Variants in FAM83D observed in about 807,000 individuals in gnomAD.
FAM83D encodes scaffolding CK1 anchoring protein D.
FAM83D carries 26 observed loss-of-function variants against 25.4 expected under a neutral mutation model. The observed-to-expected ratio is 1.02, with a 90% CI of 0.75 to 1.42. FAM83D has a LOEUF of 1.42. FAM83D is among the 40% of genes most tolerant of loss of function. The pLI is 0.00. For synonymous variants in FAM83D, 310 were observed against 318.5 expected (o/e 0.97, Z 0.28); for missense variants, 740 against 758.1 (o/e 0.98, Z 0.28).
intron 1 of FAM83D, among the ~76,000 whole-genome samples, chr20:38,932,359 T>C (rs1365164251): frequency 2.0e-5 from 3 of 152,190 alleles, no homozygotes; most frequent in Non-Finnish European, 4.4e-5. Context: ...GCACTCCAGC[T>C]TGGGTGACAG....
At chr20:38,950,215 C>T (rs1049164742) in intron 3 of FAM83D, among the ~76,000 whole-genome samples, 5 of 152,200 alleles carry the variant, frequency 3.3e-5, no homozygotes, top group African/African-American at 1.2e-4. Flanking sequence ...TGTCAGAATC[C>T]ATTTGATAAA....
At chr20:38,945,706 C>T (rs1013348766) in intron 2 of FAM83D, among the ~76,000 whole-genome samples, 14 of 150,756 alleles carry the variant, frequency 9.3e-5, no homozygotes, top group Middle Eastern at 7.0e-3. Context: ...CTCCATCTTT[C>T]TTTGTCTTTT....
chr20:38,936,188 G>A (rs117295128), intron 1 of FAM83D, among the ~76,000 whole-genome samples: 29 of 152,290 alleles, frequency 1.9e-4, no homozygotes, highest in Admixed American at 1.0e-3. Flanking sequence ...AGGGGTGATC[G>A]GTACGAACTT....
chr20:38,926,865 C>T lies in FAM83D; in HGVS notation c.423C>T (p.Gly141=). 1 of 1,515,472 alleles carries T rather than the reference C, an allele frequency of 6.6e-7. No homozygotes were observed. Among genetic ancestry groups the T allele is most frequent in the Non-Finnish European group, 8.8e-7 (1 of 1,137,028 alleles). 93.9% of individuals were successfully genotyped at this position (1,515,472 alleles called of 1,614,324 possible). A position where few individuals can be genotyped will look rare whatever the true frequency, so the allele number is the denominator to read the frequency against. ...VETHFQPRGA[G]EGGPYGCKDA... is the part of the protein sequence containing the mutation. ...CGCACTTCCAGCCCCGCGGCGCTGG[C>T]GAAGGTGGCCCCTACGGCTGCAAGG... The change falls in exon 1 of 4, where the codon GGC becomes GGT. Residue 141 remains glycine (G), a synonymous_variant. Transcript: ENST00000619850.
At position 38,951,753 on chromosome 20, in the gene FAM83D, C is replaced by T. The variant is rs541787327; in HGVS notation, c.991C>T (p.Arg331Trp). 42 of 1,614,166 alleles carry T rather than the reference C, an allele frequency of 2.6e-5. No individual in the cohort carries two copies. The African/African-American group carries it at 3.5e-4, about 13-fold the overall frequency. Residue 331 changes from arginine (R) to tryptophan (W), a missense_variant, in exon 4 of 4, where the codon CGG becomes TGG. Coordinates refer to ENST00000619850, the MANE Select transcript of FAM83D (RefSeq NM_030919.3). Reference sequence around the variant, plus strand: ...GGAGCTCACCCTGGGCAACCTGCTGCGGATGCGGCTGGCTAGGCTGTCAAG... The same window carrying T: ...GGAGCTCACCCTGGGCAACCTGCTGTGGATGCGGCTGGCTAGGCTGTCAAG... ...SKELTLGNLL[R>W]MRLARLSSTP...
intron 3 of FAM83D, 79 bp from the exon 4 acceptor site, chr20:38,951,460 A>G: frequency 6.7e-7 from 1 of 1,487,400 alleles, no homozygotes; most frequent in South Asian, 1.3e-5. Flanking sequence ...TACCTGTACT[A>G]TATTATTCAG....
intron 1 of FAM83D, among the ~76,000 whole-genome samples, chr20:38,929,322 A>G (rs907498309): frequency 1.3e-5 from 2 of 152,124 alleles, no homozygotes; most frequent in Admixed American, 6.6e-5. Context: ...CCAACACTTG[A>G]GAGTGGACAG....
chr20:38,952,214 A>G lies in FAM83D; in HGVS notation c.1452A>G (p.Gln484=), dbSNP rs759772488. The G allele has an allele frequency of 6.8e-6, 11 of 1,614,028 alleles. No homozygotes were observed. The South Asian group carries it at 8.8e-5, about 13-fold the overall frequency. The change falls in exon 4 of 4, where the codon CAA becomes CAG. Residue 484 remains glutamine (Q), a synonymous_variant. Coordinates refer to ENST00000619850, the MANE Select transcript of FAM83D (RefSeq NM_030919.3). ...AGTCTTCCTCCTCTGTGTCTTCCCA[A>G]GGCTCTGTGGCAAGCTCCACTGGTT... ...SLKSSSSVSS[Q]GSVASSTGSP... is the part of the protein sequence containing the mutation.
chr20:38,939,136 C>T (rs768632154), intron 1 of FAM83D, among the ~76,000 whole-genome samples: 18 of 152,172 alleles, frequency 1.2e-4, no homozygotes, highest in Non-Finnish European at 2.6e-4. Context: ...CCCCGTCATG[C>T]CCTACCTCTT....
At position 38,942,027 on chromosome 20, in the gene FAM83D, G is replaced by A. The variant is rs1035834523; in HGVS notation, c.552G>A (p.Arg184=). 6.4e-5 allele frequency: 104 copies of A among 1,614,236 alleles called. No individual in the cohort carries two copies. The East Asian group carries it at 2.2e-3, about 35-fold the overall frequency. ...DIFRDLQEIC[R]KQGVAVYILL... Reference sequence around the variant, plus strand: ...TCAGAGACCTGCAAGAAATATGCAGGAAACAGGGAGTTGCTGTGTATATCC... The same window carrying A: ...TCAGAGACCTGCAAGAAATATGCAGAAAACAGGGAGTTGCTGTGTATATCC... Residue 184 remains arginine (R), a synonymous_variant, in exon 2 of 4, where the codon AGG becomes AGA. Transcript: ENST00000619850.
intron 1 of FAM83D, among the ~76,000 whole-genome samples, chr20:38,929,684 A>G (rs2085651115): frequency 6.6e-6 from 1 of 151,802 alleles, no homozygotes; most frequent in Non-Finnish European, 1.5e-5. Flanking sequence ...AGGCTGAGGC[A>G]GGAGGATCAT....
intron 3 of FAM83D, among the ~76,000 whole-genome samples, chr20:38,949,770 G>A (rs936710804): frequency 6.6e-6 from 1 of 152,102 alleles, no homozygotes; most frequent in African/African-American, 2.4e-5. Context: ...TGATGTTTTC[G>A]AGTTGACTTT....
intron 1 of FAM83D, among the ~76,000 whole-genome samples, chr20:38,941,398 G>C (rs1181873616): frequency 6.6e-6 from 1 of 152,184 alleles, no homozygotes; most frequent in Non-Finnish European, 1.5e-5. Flanking sequence ...TGGTGAATGG[G>C]ACAGGCCTTA....
chr20:38,951,423 C>G, intron 3 of FAM83D, 116 bp from the exon 4 acceptor site: 2 of 1,180,330 alleles, frequency 1.7e-6, no homozygotes, highest in Non-Finnish European at 2.3e-6. Context: ...ATGATATCAC[C>G]AAATTTGTGA....
chr20:38,939,151 T>C (rs1006930740), intron 1 of FAM83D, among the ~76,000 whole-genome samples: 2 of 152,194 alleles, frequency 1.3e-5, no homozygotes, highest in African/African-American at 4.8e-5. Context: ...CCTCTTCCTC[T>C]GTTATCATGT....
At chr20:38,929,809 A>G (rs1206299936) in intron 1 of FAM83D, among the ~76,000 whole-genome samples, 1 of 151,234 alleles carries the variant, frequency 6.6e-6, no homozygotes, top group South Asian at 2.1e-4. Context: ...AAAAAAAAAA[A>G]GTAATGCTTT....
intron 2 of FAM83D, among the ~76,000 whole-genome samples, chr20:38,943,783 C>T (rs139278095): frequency 0.13 from 19,835 of 152,180 alleles, 1,363 homozygotes; most frequent in Middle Eastern, 0.19. Flanking sequence ...TTCTGCCTCC[C>T]GGGTTCAAGC....
Position 38,941,978 on chromosome 20 carries a change from A to G in FAM83D, c.503A>G (p.Asp168Gly). The G allele has an allele frequency of 1.2e-6, 2 of 1,614,036 alleles. No individual in the cohort carries two copies. The highest frequency in any genetic ancestry group is 1.7e-6 in the Non-Finnish European group (2 of 1,180,042). Residue 168 changes from aspartate to glycine, a missense_variant, in exon 2 of 4, where the codon GAC (aspartate) becomes GGC (glycine). Around this residue, in one of 3 missense-constraint regions of FAM83D, gnomAD observed 333 missense variants for 298.6 expected, o/e 1.12. Transcript: ENST00000619850. The stretch of plus-strand genomic sequence containing the variant: ...CTGTAGGTGATTGCAGTGGTCATGG[A>G]CGTGTTCACAGACATCGACATCTTC... Reference protein sequence around the residue: ...SAREVIAVVMDVFTDIDIFRD... With the variant: ...SAREVIAVVMGVFTDIDIFRD...
At chr20:38,929,179 G>GGA (rs1292231084) in intron 1 of FAM83D, among the ~76,000 whole-genome samples, 5 of 126,960 alleles carry the variant, frequency 3.9e-5, no homozygotes, top group Non-Finnish European at 8.3e-5. Context: ...CTCCCTCTCG[G>GGA]AAAAAAAAAA....
Sources: allele counts gnomAD v4.1 joint callset (sites outside exome capture counted in the v4.1 genomes callset), GRCh38; gene constraint gnomAD v4.1.1; regional missense constraint gnomAD v4.1.1; transcripts MANE v1.5; gene names NCBI Gene and HGNC (gene_info 2026-07-23, HGNC 2026-07-21).